The following SNAI3 variants were observed in gnomAD, a reference collection of about 807,000 sequenced individuals.
SNAI3 encodes the protein snail family transcriptional repressor 3.
Under a neutral mutation model 16.4 loss-of-function variants are expected in SNAI3, and 21 were observed. The observed-to-expected ratio is 1.28, with a 90% CI of 0.91 to 1.85. The LOEUF is 1.85. Ranked by LOEUF, SNAI3 falls within the 40% of genes most tolerant of loss-of-function variation. The pLI, the probability that SNAI3 is intolerant of heterozygous loss-of-function variation, is 0.00. For missense variants in SNAI3, 457 were observed against 372.8 expected, an observed-to-expected ratio of 1.23 and a Z score of -1.86; for synonymous variants, 202 against 166.6, an observed-to-expected ratio of 1.21 and a Z score of -1.64.
Position 88,678,593 on chromosome 16 carries a change from G to T in SNAI3, c.734C>A (p.Ala245Asp). The change falls in exon 3 of 3, where the codon GCC becomes GAC. Residue 245 changes from alanine to aspartate, a missense_variant. Coordinates refer to ENST00000332281, the MANE Select transcript of SNAI3 (RefSeq NM_178310.4). ...KPYACSHCSR[A>D]FADRSNLRAH... ...CCGAAGGTTGGAGCGGTCGGCAAAG[G>T]CCCTGCTGCAGTGCGAGCAGGCATA... is the stretch of plus-strand genomic sequence containing the variant. The T allele has an allele frequency of 9.6e-7, 1 of 1,046,082 alleles. No individual in the cohort carries two copies. The allele number at this position is 1,046,082 out of a possible 1,614,324, so 64.8% of individuals were successfully genotyped here. A position where few individuals can be genotyped will look rare whatever the true frequency, so the allele number is the denominator to read the frequency against.
At position 88,681,682 on chromosome 16, in the gene SNAI3, GC is replaced by G; in HGVS notation, c.108del (p.Leu37TrpfsTer73). 1 of 1,476,414 alleles carries G rather than the reference GC, an allele frequency of 6.8e-7. No individual in the cohort carries two copies. The highest frequency in any genetic ancestry group is 1.5e-5 in the South Asian group (1 of 67,244). The allele number at this position is 1,476,414 out of a possible 1,614,324, so 91.5% of individuals were successfully genotyped here. A position where few individuals can be genotyped will look rare whatever the true frequency, so the allele number is the denominator to read the frequency against. On this transcript the variant is annotated frameshift_variant, in exon 2 of 3. Coordinates refer to ENST00000332281, the MANE Select transcript of SNAI3 (RefSeq NM_178310.4). LOFTEE classifies it high-confidence loss of function. The surrounding 1 kb of genome is among the most constrained non-coding windows in gnomAD (Gnocchi z 5.4). Reference protein sequence around the residue: ...EINGACSACGGLVVPLLPRDK... With the variant: ...EINGACSACGXLVVPLLPRDK... The stretch of plus-strand genomic sequence containing the variant: ...TCTCGGGGGAGGAGGGGCACCACCA[GC>G]CCCCCACAGGCAGAGCAGGCACCAT...
chr16:88,686,316 T>G lies in SNAI3; in HGVS notation c.76+15A>C. On this transcript the variant is annotated intron_variant, in intron 1 of 2. Transcript: ENST00000332281. ...TCGAGTCCCGGCAGGGGCTCGGGGA[T>G]CGGGTAGTCAGTACCTCTCTGCGTC... The G allele has an allele frequency of 6.2e-7, 1 of 1,608,638 alleles. No individual in the cohort carries two copies. Among genetic ancestry groups the G allele is most frequent in the Non-Finnish European group, 8.5e-7 (1 of 1,178,070 alleles).
At chr16:88,678,759 A>C in intron 2 of SNAI3, 130 bp from the exon 3 acceptor site, 1 of 1,444,884 alleles carries the variant, frequency 6.9e-7, no homozygotes. Context: ...CCCAAGGTTG[A>C]GCTGTGTGGG....
intron 1 of SNAI3, among the ~76,000 whole-genome samples, chr16:88,684,076 C>A (rs577708505): frequency 3.3e-5 from 5 of 152,314 alleles, no homozygotes; most frequent in Middle Eastern, 3.4e-3. Flanking sequence ...TCTCTCCTGA[C>A]CTGACCTCCT....
Position 88,686,364 on chromosome 16 carries a change from C to A in SNAI3, c.43G>T (p.Val15Phe), listed in dbSNP as rs1447152381. ...FLVKTHSSHR[V>F]PNYRRLETQR... is the part of the protein sequence containing the mutation. ...GTCTCCAGCCGCCGGTAGTTGGGGA[C>A]CCTGTGGCTGGAGTGCGTTTTCACC... Residue 15 changes from valine (V) to phenylalanine (F), a missense_variant, in exon 1 of 3, where the codon GTC becomes TTC. Physicochemically the swap from Val to Phe is conservative, Grantham distance 50. Transcript: ENST00000332281. The A allele has an allele frequency of 6.2e-7, 1 of 1,612,480 alleles. No homozygotes were observed. The highest frequency in any genetic ancestry group is 2.2e-5 in the East Asian group (1 of 44,856).
In SNAI3 at chr16:88,683,067, G is replaced by C. The variant is rs1398182181; in HGVS notation, c.77-1353C>G. Among the ~76,000 whole-genome samples the C allele has an allele frequency of 1.4e-5, 2 of 145,118 alleles. 1 individual carries two copies. Among genetic ancestry groups the C allele is most frequent in the East Asian group, 4.1e-4 (2 of 4,866 alleles). The stretch of plus-strand genomic sequence containing the variant: ...GCTGGGATCACAGGCGTGAGCCACC[G>C]CACCTGGCCCCCCACCCTTTTTTTT... On this transcript the variant is annotated intron_variant, in intron 1 of 2. Transcript: ENST00000332281.
At chr16:88,680,585 G>GGTTTTTTTGTTTTGTTTT (rs1909132490) in intron 2 of SNAI3, among the ~76,000 whole-genome samples, 1 of 150,906 alleles carries the variant, frequency 6.6e-6, no homozygotes, top group African/African-American at 2.4e-5. Context: ...ATGCCTGGTG[G>GGTTTTTTTGTTTTGTTTT]GTTTTTTTGT....
Position 88,681,408 on chromosome 16 carries a change from A to G in SNAI3, c.383T>C (p.Leu128Ser), listed in dbSNP as rs779821184. 15 of 1,611,198 alleles carry G rather than the reference A, an allele frequency of 9.3e-6. No homozygotes were observed. The Admixed American group carries it at 2.5e-4, about 27-fold the overall frequency. Reference sequence around the variant, plus strand: ...CGGAGCCCCGTGCCGGTCTGGGCCCAAGGTCGGGGACCACCGTGTGGGCAG... The same window carrying G: ...CGGAGCCCCGTGCCGGTCTGGGCCCGAGGTCGGGGACCACCGTGTGGGCAG... ...LVLPTRWSPTLGPDRHGAPEK... is the reference protein window; with the variant it reads ...LVLPTRWSPTSGPDRHGAPEK... The change falls in exon 2 of 3, where the codon TTG becomes TCG. Residue 128 changes from leucine (L) to serine (S), a missense_variant. Transcript: ENST00000332281. This position sits in a 1 kb window ranked among gnomAD's most constrained non-coding sequence, Gnocchi z 5.4.
intron 1 of SNAI3, chr16:88,686,084 G>T (rs1909348850): frequency 3.7e-6 from 2 of 535,728 alleles, no homozygotes; most frequent in Non-Finnish European, 6.6e-6. Context: ...AGAAAACTTA[G>T]AAAACTTCTC....
chr16:88,680,818 AC>A lies in SNAI3; in HGVS notation c.697+275del, dbSNP rs531777635. On this transcript the variant is annotated intron_variant, in intron 2 of 2. Transcript: ENST00000332281. Reference sequence around the variant, plus strand: ...TGCTTGTTGGCCAGGCTGGTCCTGAACCCCTGGCTTGAAGTGATCCTCCCAC... The same window carrying A: ...TGCTTGTTGGCCAGGCTGGTCCTGAACCCTGGCTTGAAGTGATCCTCCCAC... Among the ~76,000 whole-genome samples, 13 of 151,964 alleles carry A rather than the reference AC, an allele frequency of 8.6e-5. No homozygotes were observed. The South Asian group carries it at 2.7e-3, about 32-fold the overall frequency.
chr16:88,684,878 C>T (rs2142949639), intron 1 of SNAI3, among the ~76,000 whole-genome samples: 1 of 152,284 alleles, frequency 6.6e-6, no homozygotes, highest in East Asian at 1.9e-4. Flanking sequence ...ATTGAGGGGC[C>T]CCAAATCCCA....
At position 88,681,884 on chromosome 16, in the gene SNAI3, T is replaced by G. The variant is rs1909186658; in HGVS notation, c.77-170A>C. On this transcript the variant is annotated intron_variant, in intron 1 of 2. Coordinates refer to ENST00000332281, the MANE Select transcript of SNAI3 (RefSeq NM_178310.4). The surrounding 1 kb of genome is among the most constrained non-coding windows in gnomAD (Gnocchi z 5.4). The stretch of plus-strand genomic sequence containing the variant: ...GCTTGCAAGGGAGCTGGCGGTGCTG[T>G]GCAGGGAAGTGACAGCGTGGCCAGG... 1.3e-5 allele frequency among the ~76,000 whole-genome samples: 2 copies of G among 152,090 alleles called. No individual in the cohort carries two copies. Among genetic ancestry groups the G allele is most frequent in the African/African-American group, 4.8e-5 (2 of 41,394 alleles).
rs150728595 is a variant in SNAI3 at position 88,686,335 on chromosome 16, C to T, written c.72G>A (p.Gln24=). 4,431 of 1,611,122 alleles carry T rather than the reference C, an allele frequency of 2.8e-3. 25 individuals carry two copies. Among genetic ancestry groups the T allele is most frequent in the Middle Eastern group, 0.013 (81 of 6,054 alleles). Reference sequence around the variant, plus strand: ...CGGGGATCGGGTAGTCAGTACCTCTCTGCGTCTCCAGCCGCCGGTAGTTGG... The same window carrying T: ...CGGGGATCGGGTAGTCAGTACCTCTTTGCGTCTCCAGCCGCCGGTAGTTGG... The part of the protein sequence containing the change: ...RVPNYRRLET[Q]REINGACSAC... The change falls in exon 1 of 3, where the codon CAG becomes CAA. Residue 24 remains glutamine (Q), a synonymous_variant. Coordinates refer to ENST00000332281, the MANE Select transcript of SNAI3 (RefSeq NM_178310.4).
In SNAI3 at chr16:88,681,205, C is replaced by A; in HGVS notation, c.586G>T (p.Gly196Cys). ...GTGCGGATGTGCATCTTGAGGGCAC[C>A]CAGGCTGGTGTACTCCTTGTCGCAG... Reference protein sequence around the residue: ...KYCDKEYTSLGALKMHIRTHT... With the variant: ...KYCDKEYTSLCALKMHIRTHT... The change falls in exon 2 of 3, where the codon GGT becomes TGT. Residue 196 changes from glycine to cysteine, a missense_variant. Transcript: ENST00000332281. This position sits in a 1 kb window ranked among gnomAD's most constrained non-coding sequence, Gnocchi z 5.4. The A allele has an allele frequency of 6.2e-7, 1 of 1,613,818 alleles. No homozygotes were observed. The highest frequency in any genetic ancestry group is 1.3e-5 in the African/African-American group (1 of 75,030).
intron 1 of SNAI3, 74 bp downstream of exon 1, chr16:88,686,257 C>T (rs1909354861): frequency 1.3e-6 from 2 of 1,536,758 alleles, no homozygotes; most frequent in Non-Finnish European, 8.8e-7. Context: ...GCCCCCGCTC[C>T]CAGGGGCCTC....
At chr16:88,680,850 T>C (rs1401867365) in intron 2 of SNAI3, among the ~76,000 whole-genome samples, 1 of 152,056 alleles carries the variant, frequency 6.6e-6, no homozygotes, top group Admixed American at 6.5e-5. Context: ...CCCACCTCAA[T>C]CTCCCAAAGT....
At position 88,686,264 on chromosome 16, in the gene SNAI3, CCTCT is replaced by C. The variant is rs371150549; in HGVS notation, c.76+63_76+66del. On this transcript the variant is annotated intron_variant, in intron 1 of 2. Coordinates refer to ENST00000332281, the MANE Select transcript of SNAI3 (RefSeq NM_178310.4). ...TCTCCCCAGCCCCCGCTCCCAGGGG[CCTCT>C]CTCTCTCTCCCGCCCCTCAGGGTCG... 5.0e-6 allele frequency: 7 copies of C among 1,397,652 alleles called. No individual in the cohort carries two copies. In the African/African-American group the frequency reaches 5.7e-5, roughly 11 times the overall value. The allele number at this position is 1,397,652 out of a possible 1,614,324, so 86.6% of individuals were successfully genotyped here.
chr16:88,678,731 A>G (rs1567626110), intron 2 of SNAI3, 102 bp from the exon 3 acceptor site: 1 of 1,464,068 alleles, frequency 6.8e-7, no homozygotes, highest in Non-Finnish European at 9.0e-7. Flanking sequence ...TTCCCCACAA[A>G]TGCTCACAGC....
intron 1 of SNAI3, chr16:88,685,374 G>A (rs189665078): frequency 3.9e-5 from 6 of 152,404 alleles, no homozygotes; most frequent in African/African-American, 9.6e-5. Flanking sequence ...CCCCAACTCT[G>A]GGTTCTGAGC....
Sources: allele counts gnomAD v4.1 joint callset (sites outside exome capture counted in the v4.1 genomes callset), GRCh38; gene constraint gnomAD v4.1.1; non-coding constraint Gnocchi (gnomAD v3.1); transcripts MANE v1.5; gene names NCBI Gene and HGNC (gene_info 2026-07-23, HGNC 2026-07-21).